POLR1A: variants seen among roughly 807,000 people sequenced by gnomAD.
POLR1A encodes RNA polymerase I subunit A.
A neutral mutation model predicts 205.3 loss-of-function variants in POLR1A; 84 were observed. The ratio of observed to expected loss-of-function variants is 0.41; its 90% CI spans 0.34 to 0.49. The LOEUF is 0.49. Ranked by LOEUF, POLR1A falls within the 20% of genes least tolerant of loss-of-function variation. POLR1A has a pLI of 0.22. For synonymous variants in POLR1A, 799 were observed against 863.7 expected (o/e 0.93, Z 1.31); for missense variants, 1,645 against 2,204.5 (o/e 0.75, Z 5.08).
At chr2:86,030,126 G>C (rs1419060546) in intron 31 of POLR1A, 70 bp downstream of exon 31, 1 of 1,304,362 alleles carries the variant, frequency 7.7e-7, no homozygotes, top group East Asian at 2.3e-5. Flanking sequence ...GCCTCCCAGT[G>C]GCTGGGTCTT....
Position 86,088,557 on chromosome 2 carries a change from C to G in POLR1A, c.730+9G>C, listed in dbSNP as rs1673544694. 6.3e-7 allele frequency: 1 copy of G among 1,594,224 alleles called. No individual in the cohort carries two copies. The highest frequency in any genetic ancestry group is 1.3e-5 in the African/African-American group (1 of 74,674). On this transcript the variant is annotated intron_variant, in intron 6 of 33. Transcript: ENST00000263857. ...ACATGGAGCTCCTCTCCAGACCCAG[C>G]CTGCTCACCCAGGGGCTCAGAGTCC... is the stretch of plus-strand genomic sequence containing the variant.
intron 12 of POLR1A, among the ~76,000 whole-genome samples, chr2:86,072,596 C>T (rs922278013): frequency 1.3e-5 from 2 of 152,260 alleles, no homozygotes; most frequent in Admixed American, 6.5e-5. Context: ...TAAATAAATA[C>T]TGCAGTGAAA....
intron 12 of POLR1A, among the ~76,000 whole-genome samples, chr2:86,073,937 A>G (rs1432344805): frequency 6.6e-6 from 1 of 152,212 alleles, no homozygotes; most frequent in African/African-American, 2.4e-5. Context: ...AACACCAGGC[A>G]CTTAGGAAAG....
In POLR1A at chr2:86,027,395, A is replaced by G. The variant is rs748128120; in HGVS notation, c.*28T>C. ...CCACGCCCTCACCAAGGGTCCTTGG[A>G]GCTGGGCAGATGGTGCCGGGGTAGC... On this transcript the variant is annotated 3_prime_UTR_variant, in exon 34 of 34. Coordinates refer to ENST00000263857, the MANE Select transcript of POLR1A (RefSeq NM_015425.6). 6.3e-7 allele frequency: 1 copy of G among 1,577,872 alleles called. No homozygotes were observed. The highest frequency in any genetic ancestry group is 1.1e-5 in the South Asian group (1 of 90,420).
chr2:86,054,644 A>G (rs1351500395), intron 14 of POLR1A, among the ~76,000 whole-genome samples: 1 of 152,260 alleles, frequency 6.6e-6, no homozygotes, highest in Non-Finnish European at 1.5e-5. Flanking sequence ...TTTATGCCAC[A>G]TACTCAGATA....
intron 3 of POLR1A, 36 bp from the exon 4 acceptor site, chr2:86,089,965 A>C (rs1329049954): frequency 1.9e-6 from 2 of 1,070,274 alleles, no homozygotes; most frequent in Admixed American, 1.7e-5. Flanking sequence ...TTATCACAGT[A>C]ATGTACACCT....
intron 9 of POLR1A, among the ~76,000 whole-genome samples, chr2:86,079,019 A>T (rs1227663911): frequency 6.6e-6 from 1 of 152,164 alleles, no homozygotes; most frequent in African/African-American, 2.4e-5. Context: ...GTATGACACA[A>T]GGAGACAGAT....
At chr2:86,079,241 CTT>C (rs1240459129) in intron 9 of POLR1A, among the ~76,000 whole-genome samples, 1 of 152,244 alleles carries the variant, frequency 6.6e-6, no homozygotes, top group Non-Finnish European at 1.5e-5. Flanking sequence ...TCAGGGTCCC[CTT>C]CTGGCTGGAG....
At position 86,088,791 on chromosome 2, in the gene POLR1A, T is replaced by C. The variant is rs1485335070; in HGVS notation, c.620A>G (p.His207Arg). The C allele has an allele frequency of 5.0e-6, 8 of 1,613,494 alleles. No individual in the cohort carries two copies. Among genetic ancestry groups the C allele is most frequent in the Non-Finnish European group, 6.8e-6 (8 of 1,179,552 alleles). ...CAAGGGCCCTGATACTTACTTGCAG[T>C]GGGGACAGCGCTTAGCATTCATATG... is the stretch of plus-strand genomic sequence containing the variant. ...KAHMNAKRCP[H>R]CKTGRSVVRK... Residue 207 changes from histidine (H) to arginine (R), a missense_variant, in exon 5 of 34, where the codon CAC becomes CGC. Physicochemically the swap from His to Arg is conservative, Grantham distance 29. Coordinates refer to ENST00000263857, the MANE Select transcript of POLR1A (RefSeq NM_015425.6).
In POLR1A at chr2:86,045,660, C is replaced by A; in HGVS notation, c.2843G>T (p.Gly948Val). Residue 948 changes from glycine to valine, a missense_variant, in exon 20 of 34, where the codon GGT becomes GTT. Gly to Val is a moderately radical substitution (Grantham distance 109). This residue lies in a region of POLR1A where 339 missense variants were observed against 415.1 expected (regional missense o/e 0.82). Transcript: ENST00000263857. ...GAGGAACCTGCCAGTGACAAAGCCA[C>A]CAGCCCTGGGGGTGAACTCATAAGG... Reference protein sequence around the residue: ...FEPYEFTPRAGGFVTGRFLTG... With the variant: ...FEPYEFTPRAVGFVTGRFLTG... 6.2e-7 allele frequency: 1 copy of A among 1,614,028 alleles called. No individual in the cohort carries two copies. The highest frequency in any genetic ancestry group is 8.5e-7 in the Non-Finnish European group (1 of 1,179,992).
chr2:86,085,949 G>A (rs1673496972), intron 6 of POLR1A, among the ~76,000 whole-genome samples: 1 of 152,206 alleles, frequency 6.6e-6, no homozygotes, highest in East Asian at 1.9e-4. Flanking sequence ...GCTCAGGGGG[G>A]CACATGGAGC....
At chr2:86,029,289 G>C (rs1261643132) in intron 31 of POLR1A, among the ~76,000 whole-genome samples, 1 of 152,178 alleles carries the variant, frequency 6.6e-6, no homozygotes, top group Non-Finnish European at 1.5e-5. Flanking sequence ...GGTCATTGGT[G>C]GGGGCAGAAG....
chr2:86,063,753 AG>A (rs1163951820), intron 14 of POLR1A, among the ~76,000 whole-genome samples: 2 of 152,212 alleles, frequency 1.3e-5, no homozygotes, highest in East Asian at 3.8e-4. Flanking sequence ...ACTGGAGAGC[AG>A]GAAGAGACCT....
Position 86,022,382 on chromosome 2 carries a change from T to A in POLR1A, c.*5041A>T, listed in dbSNP as rs1029995643. 1 of 152,220 alleles carries A rather than the reference T, an allele frequency of 6.6e-6. No individual in the cohort carries two copies. Among genetic ancestry groups the A allele is most frequent in the African/African-American group, 2.4e-5 (1 of 41,450 alleles). 9.4% of individuals were successfully genotyped at this position (152,220 alleles called of 1,614,324 possible). ...CTCACTTGAGGGCAGAGATCAGATC[T>A]TAAGATCCTACTGCAGAAACCTAGG... On this transcript the variant is annotated 3_prime_UTR_variant, in exon 34 of 34. Transcript: ENST00000263857.
chr2:86,040,579 G>C lies in POLR1A; in HGVS notation c.3573-20C>G, dbSNP rs917451669. On this transcript the variant is annotated intron_variant, in intron 24 of 33. Coordinates refer to ENST00000263857, the MANE Select transcript of POLR1A (RefSeq NM_015425.6). ...CTCAACCTAGAGACGGTGGTGGGGG[G>C]TCAGGGTGGGGGTTGTGGCAGGGGT... is the stretch of plus-strand genomic sequence containing the variant. 9.9e-6 allele frequency: 15 copies of C among 1,522,808 alleles called. No homozygotes were observed. Among genetic ancestry groups the C allele is most frequent in the Non-Finnish European group, 1.2e-5 (14 of 1,132,722 alleles). 94.3% of individuals were successfully genotyped at this position (1,522,808 alleles called of 1,614,324 possible). A position where few individuals can be genotyped will look rare whatever the true frequency, so the allele number is the denominator to read the frequency against.
At chr2:86,051,628 C>A (rs779750877) in intron 16 of POLR1A, among the ~76,000 whole-genome samples, 2 of 152,240 alleles carry the variant, frequency 1.3e-5, no homozygotes, top group African/African-American at 4.8e-5. Context: ...GTCCCCCTAA[C>A]GCGAACAGCG....
intron 11 of POLR1A, among the ~76,000 whole-genome samples, chr2:86,076,754 C>G (rs757759234): frequency 1.4e-4 from 21 of 152,214 alleles, no homozygotes; most frequent in Non-Finnish European, 2.6e-4. Flanking sequence ...CACAAAAGGT[C>G]TCTCACAGAG....
chr2:86,047,065 C>T lies in POLR1A; in HGVS notation c.2733+100G>A, dbSNP rs1456599890. The T allele has an allele frequency of 4.1e-6, 3 of 735,160 alleles. No individual in the cohort carries two copies. The African/African-American group carries it at 5.2e-5, about 13-fold the overall frequency. 45.5% of individuals were successfully genotyped at this position (735,160 alleles called of 1,614,324 possible). On this transcript the variant is annotated intron_variant, in intron 19 of 33. Coordinates refer to ENST00000263857, the MANE Select transcript of POLR1A (RefSeq NM_015425.6). ...ATTTCTACACGCTTTCCTCTTTTTA[C>T]TTGTCATGTTTTATAGGGAACAAAC...
Position 86,027,344 on chromosome 2 carries a change from T to A in POLR1A, c.*79A>T. The A allele has an allele frequency of 8.9e-7, 1 of 1,120,090 alleles. No individual in the cohort carries two copies. Among genetic ancestry groups the A allele is most frequent in the South Asian group, 1.2e-5 (1 of 81,366 alleles). The allele number at this position is 1,120,090 out of a possible 1,614,324, so 69.4% of individuals were successfully genotyped here. On this transcript the variant is annotated 3_prime_UTR_variant, in exon 34 of 34. Coordinates refer to ENST00000263857, the MANE Select transcript of POLR1A (RefSeq NM_015425.6). Reference sequence around the variant, plus strand: ...ACTGCCCTGGATTCCAGTCTCCTGGTCCTCTCATGCAGAAGGCAGGCTGGG... The same window carrying A: ...ACTGCCCTGGATTCCAGTCTCCTGGACCTCTCATGCAGAAGGCAGGCTGGG...
Sources: gnomAD v4.1 joint callset for allele counts (sites outside exome capture counted in the v4.1 genomes callset) on GRCh38, gnomAD v4.1.1 for gene constraint, gnomAD v4.1.1 regional missense constraint, MANE v1.5 for transcripts, NCBI Gene and HGNC (gene_info 2026-07-23, HGNC 2026-07-21) for gene names.